CBR4: variants seen among roughly 807,000 people sequenced by gnomAD.
CBR4 encodes the protein 3-oxoacyl-[acyl-carrier-protein] reductase.
CBR4 carries 22 observed loss-of-function variants against 21.0 expected under a neutral mutation model. The ratio of observed to expected loss-of-function variants is 1.05; its 90% confidence interval spans 0.75 to 1.50. The LOEUF is 1.50. Ranked by LOEUF, CBR4 falls within the 40% of genes most tolerant of loss-of-function variation. CBR4 has a pLI of 0.00. For missense variants in CBR4, 302 were observed against 286.3 expected, an observed-to-expected ratio of 1.05 and a Z score of -0.40; for synonymous variants, 100 against 104.4, an observed-to-expected ratio of 0.96 and a Z score of 0.26.
At chr4:168,917,311 G>A (rs1760383743) in intron 2 of CBR4, among the ~76,000 whole-genome samples, 1 of 152,090 alleles carries the variant, frequency 6.6e-6, no homozygotes, top group Admixed American at 6.5e-5. Flanking sequence ...GCCTTCCAAA[G>A]TGCTGGGATT....
chr4:169,002,214 A>C lies in CBR4; in HGVS notation c.401-9T>G, dbSNP rs1292089721. ...TAAGCCAACAATGCTTCCTAGGACA[A>C]AAAAAAAAAAAAAAAAAAAAAAAGC... On this transcript the variant is annotated splice_polypyrimidine_tract_variant and intron_variant, in intron 3 of 4. Coordinates refer to ENST00000306193, the MANE Select transcript of CBR4 (RefSeq NM_032783.5). The C allele has an allele frequency of 4.5e-5, 3 of 67,294 alleles. No individual in the cohort carries two copies. The African/African-American group carries it at 8.9e-4, about 20-fold the overall frequency. 4.2% of individuals were successfully genotyped at this position (67,294 alleles called of 1,614,324 possible).
At chr4:168,966,958 C>T (rs773057465) in intron 2 of CBR4, among the ~76,000 whole-genome samples, 8 of 150,740 alleles carry the variant, frequency 5.3e-5, no homozygotes, top group South Asian at 2.1e-4. Flanking sequence ...GAGCTTGCAG[C>T]GAGTCCAGAT....
At chr4:168,900,219 C>T (rs537789300) in intron 2 of CBR4, among the ~76,000 whole-genome samples, 19 of 152,234 alleles carry the variant, frequency 1.2e-4, no homozygotes, top group East Asian at 1.2e-3. Context: ...CGTCACCTCC[C>T]GCCAGGCCCC....
intron 2 of CBR4, among the ~76,000 whole-genome samples, chr4:168,938,880 G>A (rs561217820): frequency 5.8e-4 from 88 of 152,208 alleles, no homozygotes; most frequent in Admixed American, 1.2e-3. Context: ...AAGAAGAACT[G>A]GTACCATTCC....
intron 2 of CBR4, among the ~76,000 whole-genome samples, chr4:168,945,098 T>G (rs1228987911): frequency 2.0e-5 from 3 of 152,212 alleles, no homozygotes; most frequent in Non-Finnish European, 4.4e-5. Context: ...ACAGCAGTAC[T>G]CCAAGTGTGA....
chr4:168,906,951 GA>G (rs1757936007), intron 2 of CBR4, among the ~76,000 whole-genome samples: 1 of 152,154 alleles, frequency 6.6e-6, no homozygotes, highest in African/African-American at 2.4e-5. Context: ...CGATGATACT[GA>G]AAAAACCTAG....
At chr4:168,949,916 T>C (rs942426788) in intron 2 of CBR4, among the ~76,000 whole-genome samples, 3 of 152,204 alleles carry the variant, frequency 2.0e-5, no homozygotes, top group Non-Finnish European at 2.9e-5. Context: ...GTGTTCATAG[T>C]AGCCTTGAAT....
chr4:168,990,839 G>C (rs1764883265), intron 4 of CBR4, among the ~76,000 whole-genome samples: 3 of 152,062 alleles, frequency 2.0e-5, no homozygotes, highest in Non-Finnish European at 4.4e-5. Flanking sequence ...GATCACCTGA[G>C]GGCAGGAGTT....
At chr4:169,004,384 CTTCAT>C (rs1314153086) in intron 3 of CBR4, among the ~76,000 whole-genome samples, 1 of 152,220 alleles carries the variant, frequency 6.6e-6, no homozygotes, top group African/African-American at 2.4e-5. Flanking sequence ...TTGATTGACT[CTTCAT>C]TTCATGAAAG....
At chr4:169,001,866 G>T in intron 4 of CBR4, 1 of 357,506 alleles carries the variant, frequency 2.8e-6, no homozygotes, top group Non-Finnish European at 5.0e-6. Context: ...GTCCTTTAGA[G>T]CAATGCAAAC....
intron 2 of CBR4, chr4:168,926,873 CAAAG>C (rs1222975666): frequency 4.6e-6 from 1 of 219,716 alleles, no homozygotes; most frequent in Non-Finnish European, 9.1e-6. Context: ...GAAGAGATGA[CAAAG>C]AAATCCAAGT....
At chr4:168,985,098 A>G (rs191761390), downstream of CBR4, among the ~76,000 whole-genome samples, 536 of 152,368 alleles carry the variant, frequency 3.5e-3, 5 homozygotes, top group African/African-American at 0.012. Flanking sequence ...AACTATCAAC[A>G]GAGTAAACAG....
At chr4:168,944,557 C>T (rs1429040769) in intron 2 of CBR4, among the ~76,000 whole-genome samples, 3 of 151,928 alleles carry the variant, frequency 2.0e-5, no homozygotes, top group Non-Finnish European at 1.5e-5. Context: ...CAATCTGAGT[C>T]GCGCAACCTT....
chr4:168,950,589 T>A (rs765954083), intron 2 of CBR4, among the ~76,000 whole-genome samples: 2 of 152,366 alleles, frequency 1.3e-5, no homozygotes, highest in Admixed American at 1.3e-4. Flanking sequence ...AAATGTTCTG[T>A]ATATATCTAT....
chr4:168,896,614 C>G (rs1560876799), intron 2 of CBR4: 1 of 1,420,650 alleles, frequency 7.0e-7, no homozygotes, highest in Non-Finnish European at 9.6e-7. Flanking sequence ...AGCTTTTCAC[C>G]TTTCTTCTCC....
chr4:168,921,129 G>C (rs199698081), intron 2 of CBR4, among the ~76,000 whole-genome samples: 1 of 152,052 alleles, frequency 6.6e-6, no homozygotes, highest in South Asian at 2.1e-4. Context: ...CTCTTGGCCC[G>C]GTGCAATGGC....
rs114108885 is a variant in CBR4, at chr4:169,006,936, A to T, written c.264-45T>A. The stretch of plus-strand genomic sequence containing the variant: ...ATAATAGCATATAATAACAAGATAA[A>T]AACCAAAAAGGTCAAGACTAATGTA... On this transcript the variant is annotated intron_variant, in intron 2 of 4. Coordinates refer to ENST00000306193, the MANE Select transcript of CBR4 (RefSeq NM_032783.5). 4.9e-3 allele frequency: 7,541 copies of T among 1,525,360 alleles called. 50 individuals carry two copies. The highest frequency in any genetic ancestry group is 0.016 in the African/African-American group (1,185 of 72,782). 94.5% of individuals were successfully genotyped at this position (1,525,360 alleles called of 1,614,324 possible). A position where few individuals can be genotyped will look rare whatever the true frequency, so the allele number is the denominator to read the frequency against.
At chr4:168,947,952 C>T (rs1231705289) in intron 2 of CBR4, among the ~76,000 whole-genome samples, 1 of 152,188 alleles carries the variant, frequency 6.6e-6, no homozygotes, top group African/African-American at 2.4e-5. Flanking sequence ...GGAATCTCCA[C>T]ACTGTTTTTC....
chr4:168,983,519 CA>C (rs1206153352), downstream of CBR4, among the ~76,000 whole-genome samples: 1 of 151,918 alleles, frequency 6.6e-6, no homozygotes, highest in African/African-American at 2.4e-5. Context: ...GAAACTATTC[CA>C]AAAAGTCAAG....
Sources: gnomAD v4.1 joint callset for allele counts (sites outside exome capture counted in the v4.1 genomes callset) on GRCh38, gnomAD v4.1.1 for gene constraint, MANE v1.5 for transcripts, NCBI Gene and HGNC (gene_info 2026-07-23, HGNC 2026-07-21) for gene names.